The following SFXN3 variants were observed in gnomAD, a reference collection of about 807,000 sequenced individuals.
The protein encoded by SFXN3 is sideroflexin 3.
In SFXN3, 31 loss-of-function variants were observed where a neutral mutation model predicts 40.4. The ratio of observed to expected loss-of-function variants is 0.77; its 90% CI spans 0.58 to 1.04. The LOEUF (loss-of-function observed/expected upper bound fraction) is 1.04. SFXN3 is among the 50% of genes least tolerant of loss of function. SFXN3 has a pLI of 0.00. For missense variants in SFXN3, 366 were observed against 408.2 expected (o/e 0.90, Z 0.89); for synonymous variants, 157 against 160.0 (o/e 0.98, Z 0.14).
exon 2 of SFXN3, chr10:101,032,399 C>A: frequency 1.4e-6 from 2 of 1,461,540 alleles, no homozygotes; most frequent in Admixed American, 5.0e-5. Flanking sequence ...CGTGACGTCC[C>A]GCGTGATGGC....
chr10:101,032,526 G>C, intron 2 of SFXN3, 44 bp downstream of exon 2: 1 of 1,516,418 alleles, frequency 6.6e-7, no homozygotes. Context: ...TGGAATGGGG[G>C]TCAGAGAAGG....
chr10:101,037,592 A>G (rs1938684490), intron 9 of SFXN3, 161 bp downstream of exon 9: 2 of 1,523,900 alleles, frequency 1.3e-6, no homozygotes, highest in Non-Finnish European at 1.8e-6. Flanking sequence ...GCAAGAATGA[A>G]CTGGGCTGGG....
Position 101,038,295 on chromosome 10 carries a change from A to G in SFXN3, c.772-348A>G, listed in dbSNP as rs1034598739. On this transcript the variant is annotated intron_variant, in intron 9 of 11. Coordinates refer to ENST00000393459, the Ensembl canonical transcript of SFXN3. ...GCTTGGAAAGGGTCAGATTCATGCC[A>G]CTGGGATGGGAAGAGGTAAGTGGAG... 40 of 1,227,074 alleles carry G rather than the reference A, an allele frequency of 3.3e-5. No homozygotes were observed. The Admixed American group carries it at 1.4e-3, about 42-fold the overall frequency. 76.0% of individuals were successfully genotyped at this position (1,227,074 alleles called of 1,614,324 possible).
At chr10:101,032,503 G>A in intron 2 of SFXN3, 21 bp downstream of exon 2, 2 of 1,534,412 alleles carry the variant, frequency 1.3e-6, no homozygotes, top group South Asian at 1.2e-5. Context: ...GCTCTCCCCG[G>A]CGGGCGGGGT....
rs1247632755 is a variant in SFXN3 at position 101,036,178 on chromosome 10, C to T, written c.431+77C>T. On this transcript the variant is annotated intron_variant, in intron 5 of 11. Transcript: ENST00000393459. The surrounding 1 kb of genome is among the most constrained non-coding windows in gnomAD (Gnocchi z 4.2). ...CCCAGCCTGCAGTGCCCTCTCCTTT[C>T]TCTCCGGTTCCCTGTGGACCATGCA... 9 of 1,244,158 alleles carry T rather than the reference C, an allele frequency of 7.2e-6. No individual in the cohort carries two copies. Among genetic ancestry groups the T allele is most frequent in the Non-Finnish European group, 1.1e-5 (9 of 852,424 alleles). 77.1% of individuals were successfully genotyped at this position (1,244,158 alleles called of 1,614,324 possible).
At chr10:101,037,770 G>C (rs904210494) in intron 9 of SFXN3, 4 of 1,235,118 alleles carry the variant, frequency 3.2e-6, no homozygotes, top group Non-Finnish European at 4.1e-6. Flanking sequence ...GTACACACGG[G>C]TGAACACGCA....
At position 101,036,729 on chromosome 10, in the gene SFXN3, C is replaced by T. The variant is rs1446006684; in HGVS notation, c.514C>T (p.Pro172Ser). 3 of 1,609,998 alleles carry T rather than the reference C, an allele frequency of 1.9e-6. No individual in the cohort carries two copies. The Admixed American group carries it at 5.0e-5, about 27-fold the overall frequency. Residue 172 changes from proline (P) to serine (S), a missense_variant, in exon 7 of 12, where the codon CCC becomes TCC. Transcript: ENST00000393459. The surrounding 1 kb of genome is among the most constrained non-coding windows in gnomAD (Gnocchi z 4.2). ...CAACACCCTTCCTCCCCAGCACCTG[C>T]CCCCCTTGGTCGGCAGATTTGTGCC...
At chr10:101,034,918 G>A (rs1267638835) in intron 3 of SFXN3, 63 bp downstream of exon 3, 2 of 1,563,366 alleles carry the variant, frequency 1.3e-6, no homozygotes, top group Non-Finnish European at 1.7e-6. Flanking sequence ...AATATAATAT[G>A]TTTTGTACCT....
rs1347566967 is a variant in SFXN3, at chr10:101,037,141, C to T, written c.659C>T (p.Ala220Val). Reference sequence around the variant, plus strand: ...CAGAGGCTTGGCTACTCGGTGACTGCAGCCAAGCAGGGAATCTTCCAGGTG... The same window carrying T: ...CAGAGGCTTGGCTACTCGGTGACTGTAGCCAAGCAGGGAATCTTCCAGGTG... Residue 220 changes from alanine to valine, a missense_variant, in exon 8 of 12, where the codon GCA (alanine) becomes GTA (valine). Ala to Val is a moderately conservative substitution (Grantham distance 64, BLOSUM62 0). Transcript: ENST00000393459. 5.0e-6 allele frequency: 8 copies of T among 1,613,892 alleles called. No homozygotes were observed. In the Admixed American group the frequency reaches 6.7e-5, roughly 13 times the overall value.
In SFXN3 at chr10:101,038,590, G is replaced by A. The variant is rs995117266; in HGVS notation, c.772-53G>A. On this transcript the variant is annotated intron_variant, in intron 9 of 11. Coordinates refer to ENST00000393459, the Ensembl canonical transcript of SFXN3. ...AGAGCTATGGTGGGTGAAATGGGGT[G>A]ACAGTGAGGCAGGGGACACAAGCCG... is the stretch of plus-strand genomic sequence containing the variant. 10 of 1,613,458 alleles carry A rather than the reference G, an allele frequency of 6.2e-6. No homozygotes were observed. The African/African-American group carries it at 1.3e-4, about 22-fold the overall frequency.
chr10:101,035,901 G>T, intron 4 of SFXN3, 102 bp from the exon 5 acceptor site: 2 of 1,239,290 alleles, frequency 1.6e-6, no homozygotes, highest in Non-Finnish European at 2.4e-6. Flanking sequence ...CATTAACTGG[G>T]TCCCTTCTTA....
intron 2 of SFXN3, 93 bp from the exon 3 acceptor site, chr10:101,034,599 C>T (rs1938493319): frequency 2.2e-6 from 3 of 1,392,478 alleles, no homozygotes; most frequent in Non-Finnish European, 2.0e-6. Flanking sequence ...TGATGATAAG[C>T]TCAGGGGCCA....
At chr10:101,033,682 G>T (rs112418262) in intron 2 of SFXN3, among the ~76,000 whole-genome samples, 1 of 152,096 alleles carries the variant, frequency 6.6e-6, no homozygotes, top group Non-Finnish European at 1.5e-5. Flanking sequence ...GATCTGCACC[G>T]GCACCGGTCT....
Position 101,032,390 on chromosome 10 carries a change from G to A in SFXN3, c.-96G>A. 2 of 1,431,408 alleles carry A rather than the reference G, an allele frequency of 1.4e-6. No individual in the cohort carries two copies. Among genetic ancestry groups the A allele is most frequent in the South Asian group, 2.8e-5 (2 of 72,278 alleles). 88.7% of individuals were successfully genotyped at this position (1,431,408 alleles called of 1,614,324 possible). A position where few individuals can be genotyped will look rare whatever the true frequency, so the allele number is the denominator to read the frequency against. On this transcript the variant is annotated 5_prime_UTR_variant, in exon 2 of 12. It adds an upstream start codon to the 5' untranslated region. Transcript: ENST00000393459. ...CCCTCCCTGCTGGTCGGCGTCACGC[G>A]TGACGTCCCGCGTGATGGCTGGGAG...
chr10:101,037,784 A>G, intron 9 of SFXN3: 1 of 1,182,188 alleles, frequency 8.5e-7, no homozygotes, highest in East Asian at 4.8e-5. Flanking sequence ...ACACGCACAC[A>G]CAGACATGAA....
intron 10 of SFXN3, among the ~76,000 whole-genome samples, chr10:101,038,966 T>C (rs1938760719): frequency 6.6e-6 from 1 of 152,150 alleles, no homozygotes; most frequent in South Asian, 2.1e-4. Context: ...TTCATGCCCA[T>C]TTAATTCCTG....
At chr10:101,031,479 G>A (rs1475683934) in exon 1 of SFXN3, 8 of 152,490 alleles carry the variant, frequency 5.2e-5, no homozygotes, top group Admixed American at 5.2e-4. Flanking sequence ...GACGTCACGG[G>A]GCAGAGCGGG....
chr10:101,038,640 C>T lies in SFXN3; in HGVS notation c.772-3C>T, dbSNP rs765155679. The T allele has an allele frequency of 1.9e-6, 3 of 1,613,816 alleles. No homozygotes were observed. Among genetic ancestry groups the T allele is most frequent in the Admixed American group, 1.7e-5 (1 of 60,034 alleles). On this transcript the variant is annotated splice_region_variant and splice_polypyrimidine_tract_variant and intron_variant, in intron 9 of 11. Coordinates refer to ENST00000393459, the Ensembl canonical transcript of SFXN3. ...GTTCCATTGTCTTTCTGTCTCTCCA[C>T]AGCGCCGCCCCTGGCTGGGGGCACC...
rs1439271165 is a variant in SFXN3, at chr10:101,039,514, C to T, written c.895C>T (p.Pro299Ser). 6.2e-7 allele frequency: 1 copy of T among 1,614,070 alleles called. No homozygotes were observed. The highest frequency in any genetic ancestry group is 1.7e-5 in the Admixed American group (1 of 60,020). The stretch of plus-strand genomic sequence containing the variant: ...CTCCATACACATAAGCAACCTGGAA[C>T]CAGAGCTGAGAGCTCAGATCCATGA... The change falls in exon 12 of 12, where the codon CCA becomes TCA. Residue 299 changes from proline (P) to serine (S), a missense_variant. Pro to Ser is a moderately conservative substitution (Grantham distance 74, BLOSUM62 -1). Transcript: ENST00000393459. This position sits in a 1 kb window ranked among gnomAD's most constrained non-coding sequence, Gnocchi z 4.6.
Sources: gnomAD v4.1 joint callset for allele counts (sites outside exome capture counted in the v4.1 genomes callset) on GRCh38, gnomAD v4.1.1 for gene constraint, Gnocchi (gnomAD v3.1) non-coding constraint, MANE v1.5 for transcripts, NCBI Gene and HGNC (gene_info 2026-07-23, HGNC 2026-07-21) for gene names.